The following STX16 variants were observed in gnomAD, a reference collection of about 807,000 sequenced individuals.
STX16 encodes syntaxin-16.
In STX16, 28 loss-of-function variants were observed where a neutral mutation model predicts 42.7. The ratio of observed to expected loss-of-function variants is 0.66; its 90% CI spans 0.49 to 0.90. The LOEUF (loss-of-function observed/expected upper bound fraction) is 0.90, where lower values mean the gene tolerates loss of function less well. Ranked by LOEUF, STX16 falls within the 40% of genes least tolerant of loss-of-function variation. The pLI is 0.00. For synonymous variants in STX16, 156 were observed against 155.2 expected, an observed-to-expected ratio of 1.00 and a Z score of -0.04; for missense variants, 361 against 420.9, an observed-to-expected ratio of 0.86 and a Z score of 1.24.
chr20:58,652,183 G>T (rs372130890), intron 1 of STX16, 45 bp downstream of exon 1: 1 of 1,610,130 alleles, frequency 6.2e-7, no homozygotes, highest in Non-Finnish European at 8.5e-7. Context: ...CGTGTGCACT[G>T]CGGCTCTGCC....
At position 58,677,070 on chromosome 20, in the gene STX16, T is replaced by C. The variant is rs1328372588; in HGVS notation, c.*779T>C. On this transcript the variant is annotated 3_prime_UTR_variant, in exon 9 of 9. Transcript: ENST00000371141. ...AAACCACCTAAATTTAAGTTGGTGA[T>C]TTAAATGAATCTCACATTAAAAGAA... 1.3e-5 allele frequency: 2 copies of C among 152,668 alleles called. No individual in the cohort carries two copies. Among genetic ancestry groups the C allele is most frequent in the Non-Finnish European group, 2.9e-5 (2 of 68,046 alleles). The allele number at this position is 152,668 out of a possible 1,614,324, so 9.5% of individuals were successfully genotyped here. A position where few individuals can be genotyped will look rare whatever the true frequency, so the allele number is the denominator to read the frequency against.
chr20:58,652,181 C>G (rs773575706), intron 1 of STX16, 43 bp downstream of exon 1: 2 of 1,610,282 alleles, frequency 1.2e-6, no homozygotes, highest in Admixed American at 1.7e-5. Flanking sequence ...ACCGTGTGCA[C>G]TGCGGCTCTG....
intron 1 of STX16, among the ~76,000 whole-genome samples, chr20:58,659,004 A>T (rs1651092792): frequency 6.6e-6 from 1 of 152,180 alleles, no homozygotes; most frequent in South Asian, 2.1e-4. Context: ...TCCGGGAAAG[A>T]GTGGTTTCTC....
Position 58,676,622 on chromosome 20 carries a change from G to A in STX16, c.*331G>A, listed in dbSNP as rs760830590. On this transcript the variant is annotated 3_prime_UTR_variant, in exon 9 of 9. Coordinates refer to ENST00000371141, the MANE Select transcript of STX16 (RefSeq NM_001001433.3). ...TTACAGGCACTGCAGAAGCTGTTCA[G>A]TATTATATGTGTATATGCTATTTTT... The A allele has an allele frequency of 5.1e-6, 1 of 195,536 alleles. No individual in the cohort carries two copies. The highest frequency in any genetic ancestry group is 1.0e-5 in the Non-Finnish European group (1 of 96,994). 12.1% of individuals were successfully genotyped at this position (195,536 alleles called of 1,614,324 possible).
In STX16 at chr20:58,673,692, G is replaced by T; in HGVS notation, c.854G>T (p.Gly285Val). The change falls in exon 8 of 9, where the codon GGT becomes GTT. Residue 285 changes from glycine (G) to valine (V), a missense_variant. Transcript: ENST00000371141. Reference sequence around the variant, plus strand: ...CAGTCCTGTATCAAAACTGAAGATGGTTTGAAACAGCTTCACAAGGTAATA... The same window carrying T: ...CAGTCCTGTATCAAAACTGAAGATGTTTTGAAACAGCTTCACAAGGTAATA... ...VEQSCIKTED[G>V]LKQLHKAEQY... is the part of the protein sequence containing the mutation. 1.2e-6 allele frequency: 2 copies of T among 1,612,504 alleles called. No individual in the cohort carries two copies. The highest frequency in any genetic ancestry group is 1.7e-6 in the Non-Finnish European group (2 of 1,178,540).
In STX16 at chr20:58,671,316, C is replaced by G; in HGVS notation, c.792+19C>G. 6.3e-7 allele frequency: 1 copy of G among 1,590,020 alleles called. No individual in the cohort carries two copies. The highest frequency in any genetic ancestry group is 8.6e-7 in the Non-Finnish European group (1 of 1,164,784). ...AGAACAGGTACGTGAGCTGGCCTTC[C>G]TCGTGAATAGGTTTTCCTGCCATAC... is the stretch of plus-strand genomic sequence containing the variant. On this transcript the variant is annotated intron_variant, in intron 7 of 8. Coordinates refer to ENST00000371141, the MANE Select transcript of STX16 (RefSeq NM_001001433.3).
chr20:58,659,546 T>C (rs111935460), intron 1 of STX16, 77 bp from the exon 2 acceptor site: 4 of 1,492,980 alleles, frequency 2.7e-6, no homozygotes, highest in Non-Finnish European at 3.6e-6. Context: ...ATGCCTTGTC[T>C]GTCTGTCTGT....
chr20:58,669,050 TA>T (rs1212135862), intron 4 of STX16, among the ~76,000 whole-genome samples: 1 of 152,204 alleles, frequency 6.6e-6, no homozygotes. Context: ...TCAGCCTGTC[TA>T]ACGTGATGAT....
In STX16 at chr20:58,667,982, C is replaced by T. The variant is rs1253641232; in HGVS notation, c.253-5C>T. On this transcript the variant is annotated splice_region_variant and splice_polypyrimidine_tract_variant and intron_variant, in intron 3 of 8. Transcript: ENST00000371141. Reference sequence around the variant, plus strand: ...CAGTGGAGTTCTGTGACTTCATTTGCTTAGATTCAGTATGATGTTGGCCGG... The same window carrying T: ...CAGTGGAGTTCTGTGACTTCATTTGTTTAGATTCAGTATGATGTTGGCCGG... 35 of 1,614,080 alleles carry T rather than the reference C, an allele frequency of 2.2e-5. No homozygotes were observed. Among genetic ancestry groups the T allele is most frequent in the Non-Finnish European group, 2.9e-5 (34 of 1,180,036 alleles).
At chr20:58,662,410 G>A (rs1236448976) in intron 2 of STX16, among the ~76,000 whole-genome samples, 1 of 152,188 alleles carries the variant, frequency 6.6e-6, no homozygotes, top group Non-Finnish European at 1.5e-5. Flanking sequence ...TCCCCTCAGA[G>A]TATGTATGTT....
chr20:58,675,083 T>A (rs2084071545), intron 8 of STX16, among the ~76,000 whole-genome samples: 1 of 152,166 alleles, frequency 6.6e-6, no homozygotes, highest in Non-Finnish European at 1.5e-5. Flanking sequence ...GCCACAAGGC[T>A]GTAGGCAGCA....
At chr20:58,662,456 A>G (rs576441488) in intron 2 of STX16, among the ~76,000 whole-genome samples, 1 of 152,308 alleles carries the variant, frequency 6.6e-6, no homozygotes, top group East Asian at 1.9e-4. Context: ...AAACTTAACA[A>G]CAGTATCAGG....
At chr20:58,653,868 T>C (rs111723865) in intron 1 of STX16, among the ~76,000 whole-genome samples, 67 of 151,802 alleles carry the variant, frequency 4.4e-4, no homozygotes, top group Admixed American at 9.8e-4. Context: ...TTTTTTTTTT[T>C]CCCGATTAAG....
At position 58,678,876 on chromosome 20, in the gene STX16, C is replaced by T. The variant is rs1015494176; in HGVS notation, c.*2585C>T. ...CTCGCTGGCAGCCATTGTCTGTGGG[C>T]ACCTCATGTTTTTCCACACTCTACT... On this transcript the variant is annotated 3_prime_UTR_variant, in exon 9 of 9. Coordinates refer to ENST00000371141, the MANE Select transcript of STX16 (RefSeq NM_001001433.3). 6.6e-6 allele frequency: 1 copy of T among 152,252 alleles called. No individual in the cohort carries two copies. Among genetic ancestry groups the T allele is most frequent in the Non-Finnish European group, 1.5e-5 (1 of 68,102 alleles). 9.4% of individuals were successfully genotyped at this position (152,252 alleles called of 1,614,324 possible).
chr20:58,673,194 A>ATT (rs1260312062), intron 7 of STX16, among the ~76,000 whole-genome samples: 1 of 152,150 alleles, frequency 6.6e-6, no homozygotes, highest in Non-Finnish European at 1.5e-5. Flanking sequence ...GTGATAGTCA[A>ATT]TTTGCAGGTC....
intron 2 of STX16, among the ~76,000 whole-genome samples, chr20:58,661,749 T>C (rs1019470193): frequency 6.6e-6 from 1 of 152,330 alleles, no homozygotes; most frequent in East Asian, 1.9e-4. Context: ...TTGGGGACAG[T>C]GTCCAGAGGC....
intron 2 of STX16, among the ~76,000 whole-genome samples, chr20:58,665,585 A>T (rs1395857741): frequency 3.3e-5 from 5 of 152,170 alleles, no homozygotes; most frequent in African/African-American, 1.2e-4. Context: ...AGTTTTTATG[A>T]GGATTAAAAT....
chr20:58,670,394 G>T, intron 5 of STX16, 118 bp from the exon 6 acceptor site: 1 of 758,286 alleles, frequency 1.3e-6, no homozygotes, highest in Non-Finnish European at 2.2e-6. Flanking sequence ...CTTTAAAGCG[G>T]CTAAGAATAT....
intron 8 of STX16, 133 bp from the exon 9 acceptor site, chr20:58,676,054 A>T: frequency 1.5e-6 from 1 of 685,024 alleles, no homozygotes; most frequent in Non-Finnish European, 2.6e-6. Flanking sequence ...TGGAGGGATT[A>T]CAATCATGTA....
Sources: allele counts gnomAD v4.1 joint callset (sites outside exome capture counted in the v4.1 genomes callset), GRCh38; gene constraint gnomAD v4.1.1; transcripts MANE v1.5; gene names NCBI Gene and HGNC (gene_info 2026-07-23, HGNC 2026-07-21).